MYOF: variants seen among roughly 807,000 people sequenced by gnomAD.
The protein encoded by MYOF is myoferlin.
Under a neutral mutation model 284.2 loss-of-function variants are expected in MYOF, and 244 were observed. The observed-to-expected ratio is 0.86, with a 90% CI of 0.77 to 0.95. MYOF has a LOEUF of 0.95. MYOF is among the 40% of genes least tolerant of loss of function. The pLI, the probability that MYOF is intolerant of heterozygous loss-of-function variation, is 0.00. For missense variants in MYOF, 2,496 were observed against 2,560.6 expected, an observed-to-expected ratio of 0.97 and a Z score of 0.54; for synonymous variants, 904 against 919.7, an observed-to-expected ratio of 0.98 and a Z score of 0.31.
chr10:93,477,272 ACC>A (rs1246879110), intron 1 of MYOF, among the ~76,000 whole-genome samples: 2 of 151,146 alleles, frequency 1.3e-5, no homozygotes, highest in Admixed American at 6.6e-5. Context: ...CGGGTGGATC[ACC>A]TGAGGTCAGG....
intron 17 of MYOF, among the ~76,000 whole-genome samples, chr10:93,389,502 T>C (rs1366124541): frequency 1.3e-5 from 2 of 152,250 alleles, no homozygotes; most frequent in Admixed American, 1.3e-4. Context: ...CAAAAGATTA[T>C]ATTGTTTTGG....
At chr10:93,321,404 C>T (rs1589382980) in intron 48 of MYOF, among the ~76,000 whole-genome samples, 1 of 144,290 alleles carries the variant, frequency 6.9e-6, no homozygotes, top group Non-Finnish European at 1.5e-5. Context: ...TTCCTTTTGA[C>T]TATTAACCTT....
chr10:93,338,887 T>C (rs1891564), intron 39 of MYOF, among the ~76,000 whole-genome samples: 97,723 of 151,110 alleles, frequency 0.65, 33,479 homozygotes, highest in East Asian at 0.97. Context: ...TCAGACCCCC[T>C]CTTTGCTTAT....
intron 5 of MYOF, among the ~76,000 whole-genome samples, chr10:93,410,337 A>G (rs1362743534): frequency 1.3e-5 from 2 of 151,700 alleles, no homozygotes; most frequent in African/African-American, 2.4e-5. Flanking sequence ...CCCCTCCTTT[A>G]TCCCTCTACC....
chr10:93,387,741 C>CA, intron 19 of MYOF, 56 bp downstream of exon 19: 1 of 1,458,728 alleles, frequency 6.9e-7, no homozygotes, highest in Non-Finnish European at 9.6e-7. Flanking sequence ...GCTACCCCTT[C>CA]AGTCCCTGGA....
At chr10:93,443,120 C>T (rs1461083907) in intron 3 of MYOF, among the ~76,000 whole-genome samples, 1 of 152,110 alleles carries the variant, frequency 6.6e-6, no homozygotes, top group African/African-American at 2.4e-5. Context: ...GAGATCGTGC[C>T]ACTGCACTCC....
At chr10:93,423,148 C>T (rs1034796780) in intron 5 of MYOF, among the ~76,000 whole-genome samples, 7 of 152,056 alleles carry the variant, frequency 4.6e-5, no homozygotes, top group Non-Finnish European at 1.5e-5. Context: ...TAGGACTCAC[C>T]CTAATCCACA....
intron 3 of MYOF, among the ~76,000 whole-genome samples, chr10:93,442,933 C>A (rs185436588): frequency 6.6e-6 from 1 of 152,166 alleles, no homozygotes; most frequent in Non-Finnish European, 1.5e-5. Flanking sequence ...CCGAGGGGGG[C>A]GGGTCACATG....
At chr10:93,327,096 C>T (rs1372614798) in intron 45 of MYOF, among the ~76,000 whole-genome samples, 1 of 152,060 alleles carries the variant, frequency 6.6e-6, no homozygotes, top group East Asian at 1.9e-4. Context: ...CACACAGCTC[C>T]TGCCTGGTTT....
At chr10:93,419,024 A>G (rs754138530) in intron 5 of MYOF, among the ~76,000 whole-genome samples, 1 of 152,190 alleles carries the variant, frequency 6.6e-6, no homozygotes, top group African/African-American at 2.4e-5. Flanking sequence ...ATGGAGCCCC[A>G]TGGTCTTCCC....
chr10:93,467,338 G>A (rs1373746284), intron 1 of MYOF, among the ~76,000 whole-genome samples: 1 of 121,744 alleles, frequency 8.2e-6, no homozygotes, highest in Non-Finnish European at 1.6e-5. Context: ...CACAACAGTC[G>A]CCAGAGTGTG....
rs376117909 is a variant in MYOF, at chr10:93,405,250, A to G, written c.730-1031T>C. On this transcript the variant is annotated intron_variant, in intron 7 of 53. Transcript: ENST00000359263. ...ATAGAATTGCAACACCATTATCATA[A>G]CCAAGAAATTTAACATCTAACAGAG... Among the ~76,000 whole-genome samples, 4 of 152,326 alleles carry G rather than the reference A, an allele frequency of 2.6e-5. No individual in the cohort carries two copies. In the South Asian group the frequency reaches 8.3e-4, roughly 32 times the overall value.
At chr10:93,358,946 TAA>T (rs371226480) in intron 29 of MYOF, among the ~76,000 whole-genome samples, 2 of 145,970 alleles carry the variant, frequency 1.4e-5, no homozygotes, top group African/African-American at 5.0e-5. Flanking sequence ...GAACTTAAAT[TAA>T]AAAAAAAAAG....
At chr10:93,307,382 G>A (rs1589362720) in intron 53 of MYOF, among the ~76,000 whole-genome samples, 1 of 151,852 alleles carries the variant, frequency 6.6e-6, no homozygotes, top group African/African-American at 2.4e-5. Context: ...TGCAACCTCC[G>A]CCTCCCAGGT....
chr10:93,340,281 A>G (rs1372895762), intron 38 of MYOF, 117 bp from the exon 39 acceptor site: 1 of 982,788 alleles, frequency 1.0e-6, no homozygotes, highest in Non-Finnish European at 1.6e-6. Context: ...TTATTCATGC[A>G]TGCCTTATAT....
intron 1 of MYOF, among the ~76,000 whole-genome samples, chr10:93,460,105 G>T (rs976696854): frequency 6.6e-6 from 1 of 152,204 alleles, no homozygotes; most frequent in Non-Finnish European, 1.5e-5. Context: ...CTGAAAGATG[G>T]CACTGAAGCA....
intron 1 of MYOF, among the ~76,000 whole-genome samples, chr10:93,465,215 C>T (rs1490381671): frequency 1.3e-5 from 2 of 152,134 alleles, no homozygotes; most frequent in Admixed American, 1.3e-4. Context: ...ATTCAAACCC[C>T]GGTCGAAAGA....
chr10:93,322,571 C>A (rs901359755), intron 48 of MYOF, among the ~76,000 whole-genome samples: 1 of 152,190 alleles, frequency 6.6e-6, no homozygotes, highest in Non-Finnish European at 1.5e-5. Context: ...AACAATGACA[C>A]TTGACATGTT....
Position 93,357,262 on chromosome 10 carries a change from G to GC in MYOF, c.3121-415dup, listed in dbSNP as rs541846537. Among the ~76,000 whole-genome samples, 9 of 152,268 alleles carry GC rather than the reference G, an allele frequency of 5.9e-5. No individual in the cohort carries two copies. In the South Asian group the frequency reaches 1.9e-3, roughly 32 times the overall value. On this transcript the variant is annotated intron_variant, in intron 29 of 53. Transcript: ENST00000359263. ...TACATATGTAGGAAAAAAATTAAAT[G>GC]CCCCCTCCCAGGTTTAAATGTCTTG... is the stretch of plus-strand genomic sequence containing the variant.
Sources: allele counts gnomAD v4.1 joint callset (sites outside exome capture counted in the v4.1 genomes callset), GRCh38; gene constraint gnomAD v4.1.1; transcripts MANE v1.5; gene names NCBI Gene and HGNC (gene_info 2026-07-23, HGNC 2026-07-21).